The following GSK3B variants were observed in gnomAD, a reference collection of about 807,000 sequenced individuals.
GSK3B encodes the protein glycogen synthase kinase 3 beta, also known as glycogen synthase kinase-3 beta.
Under a neutral mutation model 56.4 loss-of-function variants are expected in GSK3B, and 15 were observed. That is an observed-to-expected ratio of 0.27 (90% confidence interval 0.18 to 0.41). The LOEUF is 0.41. Among genes scored for constraint, GSK3B ranks in the 10% least tolerant of loss-of-function variants. GSK3B has a pLI of 1.00. For missense variants in GSK3B, 300 were observed against 513.4 expected (o/e 0.58, Z 4.02); for synonymous variants, 181 against 188.9 (o/e 0.96, Z 0.34).
intron 3 of GSK3B, among the ~76,000 whole-genome samples, chr3:119,936,378 G>A (rs560179977): frequency 4.9e-5 from 7 of 143,182 alleles, no homozygotes; most frequent in Admixed American, 7.0e-5. Flanking sequence ...ACAAAGTCTC[G>A]CTCTGTCACC....
intron 9 of GSK3B, among the ~76,000 whole-genome samples, chr3:119,848,787 T>C (rs537369406): frequency 6.6e-6 from 1 of 152,310 alleles, no homozygotes; most frequent in South Asian, 2.1e-4. Flanking sequence ...GATGCTAAGA[T>C]TTATTAAAAA....
At chr3:119,832,693 T>G (rs931768999) in intron 10 of GSK3B, among the ~76,000 whole-genome samples, 2 of 152,276 alleles carry the variant, frequency 1.3e-5, no homozygotes, top group Admixed American at 1.3e-4. Context: ...CTGAAAAGTC[T>G]ATGGCTCTAT....
At chr3:119,875,086 C>T (rs1189246451) in intron 8 of GSK3B, among the ~76,000 whole-genome samples, 3 of 152,044 alleles carry the variant, frequency 2.0e-5, no homozygotes, top group Admixed American at 2.0e-4. Context: ...TTACCATAAA[C>T]TTTTAAAAAA....
At chr3:119,895,954 C>T (rs2056558463) in intron 7 of GSK3B, among the ~76,000 whole-genome samples, 1 of 151,306 alleles carries the variant, frequency 6.6e-6, no homozygotes, top group Non-Finnish European at 1.5e-5. Context: ...TGGTGAAAAC[C>T]TATCTATAAC....
chr3:119,924,991 C>T (rs902823856), intron 3 of GSK3B, among the ~76,000 whole-genome samples: 7 of 152,288 alleles, frequency 4.6e-5, no homozygotes, highest in Middle Eastern at 3.4e-3. Flanking sequence ...TGCAAAGAAA[C>T]CTCTAATTAT....
intron 2 of GSK3B, among the ~76,000 whole-genome samples, chr3:120,001,434 T>C (rs1349758970): frequency 1.3e-5 from 2 of 152,162 alleles, no homozygotes; most frequent in African/African-American, 4.8e-5. Context: ...CTCGCTCAGC[T>C]CTTGCCATGT....
chr3:120,019,099 G>A (rs1160569142), intron 1 of GSK3B, among the ~76,000 whole-genome samples: 1 of 152,046 alleles, frequency 6.6e-6, no homozygotes, highest in Non-Finnish European at 1.5e-5. Flanking sequence ...AATAGTTTTA[G>A]GCATCTGTTG....
At chr3:119,990,669 T>C (rs982751675) in intron 2 of GSK3B, among the ~76,000 whole-genome samples, 7 of 152,120 alleles carry the variant, frequency 4.6e-5, no homozygotes, top group African/African-American at 1.2e-4. Flanking sequence ...TGGCCCACAA[T>C]TGTAATCCCA....
intron 1 of GSK3B, among the ~76,000 whole-genome samples, chr3:120,088,513 A>G (rs1316611628): frequency 6.6e-6 from 1 of 152,204 alleles, no homozygotes; most frequent in Non-Finnish European, 1.5e-5. Flanking sequence ...GATGATTTGT[A>G]TAACTCAAGA....
chr3:119,982,336 C>A lies in GSK3B; in HGVS notation c.282+19710G>T, dbSNP rs577677058. On this transcript the variant is annotated intron_variant, in intron 2 of 10. Transcript: ENST00000264235. ...AAGGATGGCAGCTCCTCGCCAGCAA[C>A]AGAAAAAAAGCTGGAAGGAGAATGA... 2.6e-5 allele frequency among the ~76,000 whole-genome samples: 4 copies of A among 152,022 alleles called. No homozygotes were observed. The South Asian group carries it at 8.3e-4, about 32-fold the overall frequency.
intron 7 of GSK3B, among the ~76,000 whole-genome samples, chr3:119,889,438 A>G (rs556707831): frequency 1.3e-5 from 2 of 152,302 alleles, no homozygotes; most frequent in South Asian, 4.1e-4. Flanking sequence ...GGGAATGGAA[A>G]TACTGTCACA....
chr3:119,865,862 ATAT>A (rs1356645655), intron 8 of GSK3B, among the ~76,000 whole-genome samples: 2 of 152,140 alleles, frequency 1.3e-5, no homozygotes, highest in Non-Finnish European at 2.9e-5. Flanking sequence ...TTATTAGCGT[ATAT>A]TTGTCAGGGA....
At chr3:120,040,109 G>A (rs1015599653) in intron 1 of GSK3B, among the ~76,000 whole-genome samples, 2 of 152,254 alleles carry the variant, frequency 1.3e-5, no homozygotes, top group African/African-American at 4.8e-5. Context: ...TCTGTGCACA[G>A]ACCAAAGTCA....
intron 5 of GSK3B, among the ~76,000 whole-genome samples, chr3:119,914,321 A>C (rs926361378): frequency 6.6e-6 from 1 of 152,110 alleles, no homozygotes; most frequent in African/African-American, 2.4e-5. Context: ...TAAAAACAAA[A>C]AAATCAGAGG....
At chr3:119,902,459 G>C (rs2056634459) in intron 7 of GSK3B, among the ~76,000 whole-genome samples, 3 of 152,106 alleles carry the variant, frequency 2.0e-5, no homozygotes, top group Admixed American at 2.0e-4. Context: ...AGAGTGCAGT[G>C]GTACTTGGCT....
intron 1 of GSK3B, among the ~76,000 whole-genome samples, chr3:120,065,116 AG>A (rs996442528): frequency 2.6e-5 from 4 of 152,210 alleles, no homozygotes; most frequent in African/African-American, 4.8e-5. Flanking sequence ...AGAAAAAAAC[AG>A]GAACATTCAA....
intron 3 of GSK3B, among the ~76,000 whole-genome samples, chr3:119,930,258 T>C (rs2056932858): frequency 6.6e-6 from 1 of 152,210 alleles, no homozygotes; most frequent in African/African-American, 2.4e-5. Flanking sequence ...TCAATATTTT[T>C]ATAAATGATT....
At chr3:119,845,732 T>A (rs1415281947) in intron 9 of GSK3B, among the ~76,000 whole-genome samples, 2 of 152,342 alleles carry the variant, frequency 1.3e-5, no homozygotes, top group South Asian at 4.1e-4. Flanking sequence ...ATGGCCATAC[T>A]GCCCAAAGTA....
At chr3:120,082,916 T>A (rs888688263) in intron 1 of GSK3B, among the ~76,000 whole-genome samples, 1 of 152,120 alleles carries the variant, frequency 6.6e-6, no homozygotes, top group East Asian at 1.9e-4. Flanking sequence ...CATATATAAT[T>A]CACCTTTTTG....
Sources: allele counts gnomAD v4.1 joint callset (sites outside exome capture counted in the v4.1 genomes callset), GRCh38; gene constraint gnomAD v4.1.1; transcripts MANE v1.5; gene names NCBI Gene and HGNC (gene_info 2026-07-23, HGNC 2026-07-21).